Variants in ATXN1 observed in about 807,000 individuals in gnomAD.
The protein encoded by ATXN1 is ataxin-1.
A neutral mutation model predicts 56.4 loss-of-function variants in ATXN1; 8 were observed. The observed-to-expected ratio is 0.14, with a 90% confidence interval of 0.08 to 0.26. The LOEUF is 0.26. Ranked by LOEUF, ATXN1 falls within the 10% of genes least tolerant of loss-of-function variation. The pLI is 1.00. For missense variants in ATXN1, 987 were observed against 1,106.5 expected, an observed-to-expected ratio of 0.89 and a Z score of 1.53; for synonymous variants, 514 against 494.6, an observed-to-expected ratio of 1.04 and a Z score of -0.52.
At chr6:16,493,561 T>C (rs1477568084) in intron 5 of ATXN1, among the ~76,000 whole-genome samples, 1 of 151,914 alleles carries the variant, frequency 6.6e-6, no homozygotes, top group African/African-American at 2.4e-5. Flanking sequence ...ATAGGTGTCA[T>C]CTCCCCAAGT....
At chr6:16,452,042 G>A (rs1478990488) in intron 6 of ATXN1, among the ~76,000 whole-genome samples, 1 of 152,124 alleles carries the variant, frequency 6.6e-6, no homozygotes, top group Non-Finnish European at 1.5e-5. Flanking sequence ...TTCTTAGATT[G>A]CCTTTTTGCC....
At chr6:16,706,595 C>G (rs1759411234) in intron 2 of ATXN1, among the ~76,000 whole-genome samples, 1 of 151,872 alleles carries the variant, frequency 6.6e-6, no homozygotes, top group Admixed American at 6.6e-5. Context: ...CGTGGTAGTG[C>G]ACACTTGTAA....
At chr6:16,588,250 C>A (rs552315144) in intron 3 of ATXN1, among the ~76,000 whole-genome samples, 1 of 152,322 alleles carries the variant, frequency 6.6e-6, no homozygotes, top group South Asian at 2.1e-4. Context: ...GTCCACCCTG[C>A]CACCCTACTA....
At position 16,326,250 on chromosome 6, in the gene ATXN1, C is replaced by T. The variant is rs1460454427; in HGVS notation, c.1917+144G>A. 3.5e-5 allele frequency: 50 copies of T among 1,416,314 alleles called. No homozygotes were observed. The highest frequency in any genetic ancestry group is 6.1e-5 in the South Asian group (4 of 65,964). 87.7% of individuals were successfully genotyped at this position (1,416,314 alleles called of 1,614,324 possible). On this transcript the variant is annotated intron_variant, in intron 7 of 7. Transcript: ENST00000436367. This position sits in a 1 kb window ranked among gnomAD's most constrained non-coding sequence, Gnocchi z 6.6. ...AATGGGGCTTATTTTTTCTAGAGAA[C>T]GCAGTTGGGAAAGGCCGAGTCTAAG...
intron 2 of ATXN1, among the ~76,000 whole-genome samples, chr6:16,748,529 GC>G (rs1012861525): frequency 6.6e-6 from 1 of 152,116 alleles, no homozygotes; most frequent in African/African-American, 2.4e-5. Flanking sequence ...CAGTTTCCTC[GC>G]CTGTGCAATG....
At chr6:16,336,187 T>C (rs913051221) in intron 6 of ATXN1, among the ~76,000 whole-genome samples, 9 of 152,186 alleles carry the variant, frequency 5.9e-5, no homozygotes, top group African/African-American at 1.2e-4. Flanking sequence ...CCCAAGGCCA[T>C]ACAGTCAGAG....
At chr6:16,516,573 G>A (rs1265361410) in intron 5 of ATXN1, among the ~76,000 whole-genome samples, 5 of 152,182 alleles carry the variant, frequency 3.3e-5, no homozygotes, top group Non-Finnish European at 1.5e-5. Context: ...AGTTGTCCTG[G>A]AGAGATACTG....
intron 6 of ATXN1, among the ~76,000 whole-genome samples, chr6:16,360,634 C>T (rs1021699329): frequency 5.3e-5 from 8 of 152,304 alleles, no homozygotes; most frequent in East Asian, 1.9e-4. Flanking sequence ...CCCTCTTCAA[C>T]GGGTTTTTAA....
rs943984398 is a variant in ATXN1, at chr6:16,478,575, A to G, written c.-161+7397T>C. Among the ~76,000 whole-genome samples the G allele has an allele frequency of 1.7e-4, 26 of 152,226 alleles. 1 individual carries two copies. On this transcript the variant is annotated intron_variant, in intron 6 of 7. Coordinates refer to ENST00000436367, the MANE Select transcript of ATXN1 (RefSeq NM_001128164.2). The stretch of plus-strand genomic sequence containing the variant: ...GGAAACCGGAAAACTAGGGCTTGCC[A>G]TGGTTGAAGAAGAGAATAATCTTTG...
At chr6:16,518,967 C>T (rs535523552) in intron 5 of ATXN1, among the ~76,000 whole-genome samples, 1 of 152,246 alleles carries the variant, frequency 6.6e-6, no homozygotes, top group East Asian at 1.9e-4. Flanking sequence ...AAAAAAACCA[C>T]ATTAGGAAAA....
chr6:16,535,696 C>T (rs1188047649), intron 4 of ATXN1, among the ~76,000 whole-genome samples: 2 of 152,166 alleles, frequency 1.3e-5, no homozygotes. Flanking sequence ...GTGGGCTGTG[C>T]ACAGTGACTT....
intron 6 of ATXN1, among the ~76,000 whole-genome samples, chr6:16,453,821 C>T (rs1394612155): frequency 6.6e-6 from 1 of 152,074 alleles, no homozygotes; most frequent in Non-Finnish European, 1.5e-5. Context: ...GATTAAGTAA[C>T]ATGCTTGAAT....
intron 2 of ATXN1, among the ~76,000 whole-genome samples, chr6:16,674,869 T>C (rs558716821): frequency 1.2e-4 from 19 of 152,174 alleles, no homozygotes; most frequent in Non-Finnish European, 2.2e-4. Flanking sequence ...AACAGATCAT[T>C]TCCTCAGCAA....
At chr6:16,732,179 G>T (rs1002399971) in intron 2 of ATXN1, among the ~76,000 whole-genome samples, 1 of 152,146 alleles carries the variant, frequency 6.6e-6, no homozygotes, top group Non-Finnish European at 1.5e-5. Flanking sequence ...CAAGCAAAAA[G>T]ATGAGATAGA....
intron 7 of ATXN1, among the ~76,000 whole-genome samples, chr6:16,323,469 G>C (rs1234691998): frequency 8.3e-6 from 1 of 120,606 alleles, no homozygotes; most frequent in Non-Finnish European, 1.6e-5. Flanking sequence ...AGTGAGCCAA[G>C]ATCACCCCAC....
At chr6:16,431,740 T>G (rs946948329) in intron 6 of ATXN1, among the ~76,000 whole-genome samples, 1 of 152,226 alleles carries the variant, frequency 6.6e-6, no homozygotes, top group Non-Finnish European at 1.5e-5. Flanking sequence ...AATCCAGATC[T>G]CCACGATATC....
chr6:16,483,832 G>C (rs911417709), intron 6 of ATXN1, among the ~76,000 whole-genome samples: 4 of 152,280 alleles, frequency 2.6e-5, no homozygotes, highest in Admixed American at 6.5e-5. Flanking sequence ...TATGGTAACT[G>C]CATGAGTTAT....
chr6:16,703,247 C>T (rs1002072596), intron 2 of ATXN1, among the ~76,000 whole-genome samples: 7 of 151,964 alleles, frequency 4.6e-5, no homozygotes, highest in African/African-American at 9.7e-5. Context: ...AACCAAACAC[C>T]GCATGTTCTC....
chr6:16,466,873 T>C (rs1247491018), intron 6 of ATXN1, among the ~76,000 whole-genome samples: 1 of 152,228 alleles, frequency 6.6e-6, no homozygotes, highest in Non-Finnish European at 1.5e-5. Context: ...AAGACTAATG[T>C]TTTCAATGAA....
Sources: allele counts gnomAD v4.1 joint callset (sites outside exome capture counted in the v4.1 genomes callset), GRCh38; gene constraint gnomAD v4.1.1; non-coding constraint Gnocchi (gnomAD v3.1); transcripts MANE v1.5; gene names NCBI Gene and HGNC (gene_info 2026-07-23, HGNC 2026-07-21).